APOBEC3B: variants seen among roughly 807,000 people sequenced by gnomAD.
The protein encoded by APOBEC3B is DNA dC->dU-editing enzyme APOBEC-3B.
Under a neutral mutation model 53.4 loss-of-function variants are expected in APOBEC3B, and 29 were observed. The observed-to-expected ratio is 0.54, with a 90% CI of 0.40 to 0.74. The LOEUF (loss-of-function observed/expected upper bound fraction) is 0.74. Among genes scored for constraint, APOBEC3B ranks in the 30% least tolerant of loss-of-function variants. The pLI is 0.00. For synonymous variants in APOBEC3B, 132 were observed against 184.8 expected (o/e 0.71, Z 2.32); for missense variants, 347 against 496.2 (o/e 0.70, Z 2.86).
chr22:38,988,246 G>C (rs182993566), intron 4 of APOBEC3B, among the ~76,000 whole-genome samples: 1 of 148,458 alleles, frequency 6.7e-6, no homozygotes. Context: ...CCCAGTGCTG[G>C]TCTCTCCTCC....
rs749253938 is a variant in APOBEC3B at position 38,992,150 on chromosome 22, G to C, written c.1134+1G>C. ...TGGGAGGCTGCGGGCCATTCTCCAG[G>C]TGAGGGCTTCCTCCCTCTGCCTGGT... On this transcript the variant is annotated splice_donor_variant, in intron 7 of 7. Transcript: ENST00000333467. LOFTEE classifies it high-confidence loss of function. The C allele has an allele frequency of 6.3e-7, 1 of 1,591,956 alleles. No individual in the cohort carries two copies. The highest frequency in any genetic ancestry group is 8.5e-7 in the Non-Finnish European group (1 of 1,172,286).
intron 4 of APOBEC3B, among the ~76,000 whole-genome samples, chr22:38,988,728 TCTTTCTTTCTTTCTTTCTTC>T (rs1569039127): frequency 3.6e-4 from 47 of 131,914 alleles, no homozygotes; most frequent in African/African-American, 1.3e-3. Flanking sequence ...TTTCTTTCTT[TCTTTCTTTCTTTCTTTCTTC>T]CTTTCTTCTC....
intron 1 of APOBEC3B, among the ~76,000 whole-genome samples, chr22:38,983,838 C>G (rs972235647): frequency 1.3e-5 from 2 of 148,526 alleles, no homozygotes; most frequent in African/African-American, 4.9e-5. Flanking sequence ...GAATGTACCC[C>G]TGGAAAGGCC....
In APOBEC3B at chr22:38,988,683, C is replaced by CTCTCTTTCTTTCTTTCTCTCTT. The variant is rs1555894372; in HGVS notation, c.570-771_570-770insCTTTCTTTCTTTCTCTCTTTCT. Among the ~76,000 whole-genome samples the CTCTCTTTCTTTCTTTCTCTCTT allele has an allele frequency of 3.8e-4, 18 of 47,526 alleles. 1 individual carries two copies. The highest frequency in any genetic ancestry group is 1.8e-3 in the Admixed American group (7 of 3,794). The allele number at this position is 47,526 out of a possible 152,430, so 31.2% of individuals were successfully genotyped here. Reference sequence around the variant, plus strand: ...TTGCTTCCTCTCTCTTTCTCTCTTTCTCTTTCTTTCTTTCTTTCTTTCTTT... The same window carrying CTCTCTTTCTTTCTTTCTCTCTT: ...TTGCTTCCTCTCTCTTTCTCTCTTTCTCTCTTTCTTTCTTTCTCTCTTTCTTTCTTTCTTTCTTTCTTTCTTT... On this transcript the variant is annotated intron_variant, in intron 4 of 7. Transcript: ENST00000333467.
At chr22:38,987,420 C>G (rs529930753) in intron 4 of APOBEC3B, among the ~76,000 whole-genome samples, 6 of 148,576 alleles carry the variant, frequency 4.0e-5, no homozygotes, top group African/African-American at 1.5e-4. Flanking sequence ...CCTGCTGAGA[C>G]TCTTCCCTGA....
At position 38,987,400 on chromosome 22, in the gene APOBEC3B, G is replaced by A. The variant is rs1923784715; in HGVS notation, c.569+988G>A. On this transcript the variant is annotated intron_variant, in intron 4 of 7. Transcript: ENST00000333467. ...TGGGCCACCTCCCCCACCTGCCCCA[G>A]GCCAGACCCCCTGCTGAGACTCTTC... Among the ~76,000 whole-genome samples the A allele has an allele frequency of 1.3e-5, 2 of 148,172 alleles. 1 individual carries two copies. Among genetic ancestry groups the A allele is most frequent in the South Asian group, 4.5e-4 (2 of 4,474 alleles).
Position 38,991,881 on chromosome 22 carries a change from G to C in APOBEC3B, c.1019-153G>C, listed in dbSNP as rs200829250. 4.6e-4 allele frequency among the ~76,000 whole-genome samples: 68 copies of C among 148,284 alleles called. 3 individuals are homozygous for C. Among genetic ancestry groups the C allele is most frequent in the South Asian group, 1.6e-3 (7 of 4,492 alleles). ...TGGCCCAGATTCCAATGGGAAGGAA[G>C]TACCTGATGAAGGAGCTAAGTCCCT... On this transcript the variant is annotated intron_variant, in intron 6 of 7. Coordinates refer to ENST00000333467, the MANE Select transcript of APOBEC3B (RefSeq NM_004900.5).
rs1194173550 is a variant in APOBEC3B, at chr22:38,984,871, A to C, written c.174+640A>C. 2.6e-3 allele frequency among the ~76,000 whole-genome samples: 370 copies of C among 140,610 alleles called. 20 individuals are homozygous for C. The highest frequency in any genetic ancestry group is 9.2e-3 in the African/African-American group (359 of 38,826). 92.2% of individuals were successfully genotyped at this position (140,610 alleles called of 152,430 possible). ...GGGCTCTCAATTGTGTATTTTTCCC[A>C]CATTTCTTTTTTCTCTTTTTTTCCT... On this transcript the variant is annotated intron_variant, in intron 2 of 7. Transcript: ENST00000333467.
chr22:38,986,784 G>T (rs1454451407), intron 4 of APOBEC3B, among the ~76,000 whole-genome samples: 2 of 148,824 alleles, frequency 1.3e-5, no homozygotes, highest in South Asian at 4.4e-4. Flanking sequence ...AGCTCAGTGT[G>T]GGGGCACCCA....
chr22:38,982,471 G>A lies in APOBEC3B; in HGVS notation c.17+1G>A, dbSNP rs1714437483. On this transcript the variant is annotated splice_donor_variant, in intron 1 of 7. Transcript: ENST00000333467. LOFTEE classifies it high-confidence loss of function. ...GGCTGAACATGAATCCACAGATCAG[G>A]TACCGCTGCCCACTCTGCCTGCTGG... 1 of 1,593,632 alleles carries A rather than the reference G, an allele frequency of 6.3e-7. No homozygotes were observed. Among genetic ancestry groups the A allele is most frequent in the South Asian group, 1.1e-5 (1 of 88,782 alleles).
Position 38,989,529 on chromosome 22 carries a change from C to A in APOBEC3B, c.642C>A (p.Thr214=), listed in dbSNP as rs760890680. The change falls in exon 5 of 8, where the codon ACC becomes ACA. Residue 214 remains threonine, a synonymous_variant. Coordinates refer to ENST00000333467, the MANE Select transcript of APOBEC3B (RefSeq NM_004900.5). The part of the protein sequence containing the change: ...NDPLVLRRRQ[T]YLCYEVERLD... ...CTTTGGTCCTTCGACGGCGCCAGAC[C>A]TACTTGTGCTATGAGGTGGAGCGCC... 1 of 1,589,776 alleles carries A rather than the reference C, an allele frequency of 6.3e-7. No homozygotes were observed. Among genetic ancestry groups the A allele is most frequent in the Non-Finnish European group, 8.5e-7 (1 of 1,169,952 alleles).
chr22:38,982,530 C>G (rs2146286545), intron 1 of APOBEC3B, 60 bp downstream of exon 1: 2 of 1,581,664 alleles, frequency 1.3e-6, no homozygotes, highest in Middle Eastern at 3.8e-4. Context: ...GGTGGTCCTG[C>G]TGGGCCTCAA....
intron 4 of APOBEC3B, among the ~76,000 whole-genome samples, chr22:38,989,121 AC>A (rs1267801074): frequency 6.8e-6 from 1 of 148,146 alleles, no homozygotes; most frequent in Non-Finnish European, 1.5e-5. Flanking sequence ...CAGAGCCAGG[AC>A]AGGGGTGCAT....
At chr22:38,990,148 G>T (rs1486303962) in intron 5 of APOBEC3B, among the ~76,000 whole-genome samples, 2 of 124,852 alleles carry the variant, frequency 1.6e-5, no homozygotes, top group Non-Finnish European at 3.4e-5. Context: ...GAGCCCAAGG[G>T]ACTTTCTTCC....
chr22:38,987,966 C>T (rs1414892720), intron 4 of APOBEC3B, among the ~76,000 whole-genome samples: 3 of 148,226 alleles, frequency 2.0e-5, no homozygotes, highest in Admixed American at 6.9e-5. Flanking sequence ...GGCATGGTAG[C>T]GGGAGCCGGT....
Position 38,989,552 on chromosome 22 carries a change from G to A in APOBEC3B, c.665G>A (p.Arg222His), listed in dbSNP as rs200178746. 734 of 1,589,186 alleles carry A rather than the reference G, an allele frequency of 4.6e-4. 102 individuals are homozygous for A. The South Asian group carries it at 7.3e-3, about 16-fold the overall frequency. Residue 222 changes from arginine (R) to histidine (H), a missense_variant, in exon 5 of 8, where the codon CGC becomes CAC. Arg to His is a conservative substitution (Grantham distance 29). Coordinates refer to ENST00000333467, the MANE Select transcript of APOBEC3B (RefSeq NM_004900.5). ...RQTYLCYEVE[R>H]LDNGTWVLMD... ...ACCTACTTGTGCTATGAGGTGGAGC[G>A]CCTGGACAATGGCACCTGGGTCCTG...
chr22:38,992,747 A>C lies in APOBEC3B; in HGVS notation c.*302A>C. 1.4e-6 allele frequency: 1 copy of C among 727,456 alleles called. No homozygotes were observed. The highest frequency in any genetic ancestry group is 2.0e-5 in the South Asian group (1 of 49,908). 45.1% of individuals were successfully genotyped at this position (727,456 alleles called of 1,614,324 possible). A position where few individuals can be genotyped will look rare whatever the true frequency, so the allele number is the denominator to read the frequency against. On this transcript the variant is annotated 3_prime_UTR_variant, in exon 8 of 8. Coordinates refer to ENST00000333467, the MANE Select transcript of APOBEC3B (RefSeq NM_004900.5). ...TCCATATTTAGACTAATAAAACATT[A>C]AGAATCTTCCATAATTGTTTCCACA...
intron 2 of APOBEC3B, among the ~76,000 whole-genome samples, chr22:38,985,215 G>GT (rs918043916): frequency 6.8e-6 from 1 of 147,606 alleles, no homozygotes; most frequent in Non-Finnish European, 1.5e-5. Flanking sequence ...CCACAGTTCT[G>GT]TTTTTTTGTT....
chr22:38,988,053 A>G (rs1724911860), intron 4 of APOBEC3B, among the ~76,000 whole-genome samples: 1 of 148,600 alleles, frequency 6.7e-6, no homozygotes. Context: ...TCACGGAAAC[A>G]CCCAGGACTC....
Sources: allele counts gnomAD v4.1 joint callset (sites outside exome capture counted in the v4.1 genomes callset), GRCh38; gene constraint gnomAD v4.1.1; transcripts MANE v1.5; gene names NCBI Gene and HGNC (gene_info 2026-07-23, HGNC 2026-07-21).